The following CUX2 variants were observed in gnomAD, a reference collection of about 807,000 sequenced individuals.
CUX2 encodes homeobox protein cut-like 2.
CUX2 carries 40 observed loss-of-function variants against 144.8 expected under a neutral mutation model. That is an observed-to-expected ratio of 0.28 (90% CI 0.21 to 0.36). The LOEUF (loss-of-function observed/expected upper bound fraction) is 0.36, where lower values mean the gene tolerates loss of function less well. CUX2 is among the 10% of genes least tolerant of loss of function. The pLI is 1.00. For synonymous variants in CUX2, 827 were observed against 875.6 expected, an observed-to-expected ratio of 0.94 and a Z score of 0.98; for missense variants, 1,615 against 1,994.0, an observed-to-expected ratio of 0.81 and a Z score of 3.62.
chr12:111,237,193 A>G (rs963292071), intron 3 of CUX2, among the ~76,000 whole-genome samples: 2 of 152,206 alleles, frequency 1.3e-5, no homozygotes, highest in African/African-American at 4.8e-5. Context: ...AAAGTTTTCC[A>G]GCATCCAACA....
In CUX2 at chr12:111,277,596, C is replaced by T. The variant is rs1475703534; in HGVS notation, c.301+13757C>T. 6.6e-6 allele frequency among the ~76,000 whole-genome samples: 1 copy of T among 152,122 alleles called. No individual in the cohort carries two copies. The highest frequency in any genetic ancestry group is 1.5e-5 in the Non-Finnish European group (1 of 68,026). ...CCCATCTCACTCCAGTTGCCTCACCCATCCTTTGTCCATCATTCCCTCTAG... is the reference window on the plus strand; with the variant it reads ...CCCATCTCACTCCAGTTGCCTCACCTATCCTTTGTCCATCATTCCCTCTAG... On this transcript the variant is annotated intron_variant, in intron 4 of 21. Coordinates refer to ENST00000261726, the MANE Select transcript of CUX2 (RefSeq NM_015267.4). This position sits in a 1 kb window ranked among gnomAD's most constrained non-coding sequence, Gnocchi z 5.0.
intron 1 of CUX2, among the ~76,000 whole-genome samples, chr12:111,040,589 C>A (rs1192620148): frequency 6.6e-6 from 1 of 152,140 alleles, no homozygotes; most frequent in Admixed American, 6.5e-5. Context: ...CTAAAGAAAA[C>A]TAAAGAAGCT....
In CUX2 at chr12:111,263,387, C is replaced by A. The variant is rs1224944555; in HGVS notation, c.223-374C>A. Among the ~76,000 whole-genome samples, 1 of 152,160 alleles carries A rather than the reference C, an allele frequency of 6.6e-6. No homozygotes were observed. Among genetic ancestry groups the A allele is most frequent in the Non-Finnish European group, 1.5e-5 (1 of 68,030 alleles). ...TTGGGAGGCCAAGGTGGGCAGATAA[C>A]CTGAGGTCAAGAGTTTGAGACCATC... On this transcript the variant is annotated intron_variant, in intron 3 of 21. Coordinates refer to ENST00000261726, the MANE Select transcript of CUX2 (RefSeq NM_015267.4). This position sits in a 1 kb window ranked among gnomAD's most constrained non-coding sequence, Gnocchi z 4.0.
chr12:111,134,493 T>G lies in CUX2; in HGVS notation c.64-79707T>G, dbSNP rs142979859. On this transcript the variant is annotated intron_variant, in intron 1 of 21. Coordinates refer to ENST00000261726, the MANE Select transcript of CUX2 (RefSeq NM_015267.4). ...GCCAACCCCAGAAATCCCAAAACCA[T>G]GTCTGAATACTCATCCTTAAAATTC... 4.5e-4 allele frequency among the ~76,000 whole-genome samples: 69 copies of G among 152,310 alleles called. 1 individual carries two copies. In the East Asian group the frequency reaches 0.012, roughly 25 times the overall value.
chr12:111,301,625 C>A (rs1359421479), intron 9 of CUX2, among the ~76,000 whole-genome samples: 1 of 152,224 alleles, frequency 6.6e-6, no homozygotes, highest in East Asian at 1.9e-4. Context: ...TCAAGGGATC[C>A]TCCCAAGTAG....
At chr12:111,323,383 CA>C in intron 18 of CUX2, among the ~76,000 whole-genome samples, 1 of 152,352 alleles carries the variant, frequency 6.6e-6, no homozygotes, top group Admixed American at 6.5e-5. Context: ...AACATAATGT[CA>C]AGTGACAAAA....
chr12:111,090,302 C>T (rs763309225), intron 1 of CUX2, among the ~76,000 whole-genome samples: 3 of 152,208 alleles, frequency 2.0e-5, no homozygotes, highest in East Asian at 1.9e-4. Context: ...GAAATGGAGT[C>T]TCTCGCTCTG....
intron 1 of CUX2, among the ~76,000 whole-genome samples, chr12:111,119,851 A>G (rs961664841): frequency 2.6e-5 from 4 of 152,262 alleles, no homozygotes; most frequent in African/African-American, 4.8e-5. Flanking sequence ...TGAGGTCAGG[A>G]GTTCGAGACC....
chr12:111,276,045 T>A (rs1884856764), intron 4 of CUX2, among the ~76,000 whole-genome samples: 1 of 152,134 alleles, frequency 6.6e-6, no homozygotes, highest in African/African-American at 2.4e-5. Context: ...TACTTTAAAA[T>A]ATATATATTT....
At chr12:111,124,211 C>T (rs1566237474) in intron 1 of CUX2, among the ~76,000 whole-genome samples, 1 of 152,204 alleles carries the variant, frequency 6.6e-6, no homozygotes, top group Non-Finnish European at 1.5e-5. Flanking sequence ...AAGGCAAATT[C>T]ATAGGAGAAA....
chr12:111,035,833 G>T lies in CUX2; in HGVS notation c.63+1593G>T, dbSNP rs114032946. On this transcript the variant is annotated intron_variant, in intron 1 of 21. Coordinates refer to ENST00000261726, the MANE Select transcript of CUX2 (RefSeq NM_015267.4). The surrounding 1 kb of genome is among the most constrained non-coding windows in gnomAD (Gnocchi z 6.0). ...AACTGCCGAGTGCCTTGCAATTCCGGGTCCGCACTCGAGTTGGGGCTACAG... is the reference window on the plus strand; with the variant it reads ...AACTGCCGAGTGCCTTGCAATTCCGTGTCCGCACTCGAGTTGGGGCTACAG... Among the ~76,000 whole-genome samples, 399 of 152,146 alleles carry T rather than the reference G, an allele frequency of 2.6e-3. 2 individuals are homozygous for T. Among genetic ancestry groups the T allele is most frequent in the Middle Eastern group, 0.01 (3 of 294 alleles).
intron 1 of CUX2, among the ~76,000 whole-genome samples, chr12:111,075,775 A>G (rs1871502089): frequency 6.6e-6 from 1 of 152,156 alleles, no homozygotes; most frequent in Non-Finnish European, 1.5e-5. Context: ...TCCAAGGCCC[A>G]GGGTGTCCGA....
At position 111,320,186 on chromosome 12, in the gene CUX2, C is replaced by G. The variant is rs1472115468; in HGVS notation, c.2177C>G (p.Ser726Trp). 6.5e-7 allele frequency: 1 copy of G among 1,531,302 alleles called. No homozygotes were observed. The allele number at this position is 1,531,302 out of a possible 1,614,324, so 94.9% of individuals were successfully genotyped here. ...CCCAGGGGCCGCTCGGTGCCCCCCT[C>G]GCCCCCGGAGCGGCCATCACTGGCC... ...VAPRGRSVPP[S>W]PPERPSLATA... Residue 726 changes from serine to tryptophan, a missense_variant, in exon 17 of 22, where the codon TCG (serine) becomes TGG (tryptophan). Transcript: ENST00000261726. This position sits in a 1 kb window ranked among gnomAD's most constrained non-coding sequence, Gnocchi z 8.1.
rs529389866 is a variant in CUX2, at chr12:111,237,060, G to A, written c.222+19123G>A. 3.3e-5 allele frequency among the ~76,000 whole-genome samples: 5 copies of A among 152,216 alleles called. No individual in the cohort carries two copies. The South Asian group carries it at 1.0e-3, about 32-fold the overall frequency. On this transcript the variant is annotated intron_variant, in intron 3 of 21. Transcript: ENST00000261726. ...GCTACTTGGGAGGCTGAGGTAGGAG[G>A]ATCGCTTGAGCCTGGGAGGCCAAGT... is the stretch of plus-strand genomic sequence containing the variant.
Position 111,255,084 on chromosome 12 carries a change from G to T in CUX2, c.223-8677G>T, listed in dbSNP as rs933100831. 2.0e-5 allele frequency among the ~76,000 whole-genome samples: 3 copies of T among 152,062 alleles called. No homozygotes were observed. The highest frequency in any genetic ancestry group is 1.9e-4 in the East Asian group (1 of 5,180). On this transcript the variant is annotated intron_variant, in intron 3 of 21. Coordinates refer to ENST00000261726, the MANE Select transcript of CUX2 (RefSeq NM_015267.4). This position sits in a 1 kb window ranked among gnomAD's most constrained non-coding sequence, Gnocchi z 4.1. The stretch of plus-strand genomic sequence containing the variant: ...ACTCCTGACCACAGATGATCCCTCC[G>T]CCTCGGCCTCCCAAAGTGCTGGGAT...
chr12:111,121,247 C>T (rs1462338839), intron 1 of CUX2, among the ~76,000 whole-genome samples: 1 of 151,938 alleles, frequency 6.6e-6, no homozygotes, highest in Non-Finnish European at 1.5e-5. Flanking sequence ...TTGCCCTCAA[C>T]CAGAGTAGCA....
intron 1 of CUX2, among the ~76,000 whole-genome samples, chr12:111,201,299 C>T (rs533703353): frequency 3.0e-4 from 46 of 152,302 alleles, no homozygotes; most frequent in African/African-American, 1.1e-3. Flanking sequence ...GCACGGTTCC[C>T]TGCAGCTGCC....
In CUX2 at chr12:111,347,924, T is replaced by C; in HGVS notation, c.4060T>C (p.Ser1354Pro). ...VAPGPLLPGG[S>P]TPDCPSLHPQ... ...TCCCGGGCCCCTCCTTCCAGGTGGA[T>C]CCACCCCAGACTGTCCCTCACTTCA... The change falls in exon 22 of 22, where the codon TCC (serine) becomes CCC (proline). Residue 1354 changes from serine to proline, a missense_variant. Physicochemically the swap from Ser to Pro is moderately conservative, Grantham distance 74. Around this residue, in one of 12 missense-constraint regions of CUX2, gnomAD observed 298 missense variants for 330.4 expected, o/e 0.90. Coordinates refer to ENST00000261726, the MANE Select transcript of CUX2 (RefSeq NM_015267.4). 2 of 1,614,020 alleles carry C rather than the reference T, an allele frequency of 1.2e-6. No homozygotes were observed. The highest frequency in any genetic ancestry group is 1.1e-5 in the South Asian group (1 of 91,082).
At chr12:111,058,846 TAAGAG>T (rs1870646597) in intron 1 of CUX2, among the ~76,000 whole-genome samples, 1 of 151,942 alleles carries the variant, frequency 6.6e-6, no homozygotes, top group Non-Finnish European at 1.5e-5. Flanking sequence ...TTCCTGAAAA[TAAGAG>T]GAGGAACACA....
Sources: gnomAD v4.1 joint callset for allele counts (sites outside exome capture counted in the v4.1 genomes callset) on GRCh38, gnomAD v4.1.1 for gene constraint, gnomAD v4.1.1 regional missense constraint, Gnocchi (gnomAD v3.1) non-coding constraint, MANE v1.5 for transcripts, NCBI Gene and HGNC (gene_info 2026-07-23, HGNC 2026-07-21) for gene names.